Variants in CDH23 observed in about 807,000 individuals in gnomAD.
CDH23 encodes cadherin-23.
In CDH23, 189 loss-of-function variants were observed where a neutral mutation model predicts 317.1. The ratio of observed to expected loss-of-function variants is 0.60; its 90% CI spans 0.53 to 0.67. The LOEUF (loss-of-function observed/expected upper bound fraction) is 0.67, where lower values mean the gene tolerates loss of function less well. Among genes scored for constraint, CDH23 ranks in the 30% least tolerant of loss-of-function variants. CDH23 has a pLI of 0.00. For missense variants in CDH23, 4,401 were observed against 4,592.4 expected, an observed-to-expected ratio of 0.96 and a Z score of 1.20; for synonymous variants, 1,839 against 1,876.8, an observed-to-expected ratio of 0.98 and a Z score of 0.52.
intron 3 of CDH23, among the ~76,000 whole-genome samples, chr10:71,449,748 C>T (rs1005854878): frequency 5.9e-5 from 9 of 152,162 alleles, no homozygotes; most frequent in Admixed American, 5.9e-4. Context: ...TTATCCACCC[C>T]CAACCTTCTG....
intron 14 of CDH23, among the ~76,000 whole-genome samples, chr10:71,665,991 C>T (rs1212195258): frequency 6.6e-6 from 1 of 152,234 alleles, no homozygotes; most frequent in African/African-American, 2.4e-5. Context: ...CCTCTGCAGT[C>T]AATGCCGTGA....
At chr10:71,720,321 G>A (rs778094810) in intron 28 of CDH23, among the ~76,000 whole-genome samples, 1 of 152,218 alleles carries the variant, frequency 6.6e-6, no homozygotes, top group African/African-American at 2.4e-5. Context: ...AGGTCAGGGG[G>A]ATCCCAGGGC....
intron 41 of CDH23, among the ~76,000 whole-genome samples, chr10:71,782,147 C>A (rs1215802331): frequency 1.3e-5 from 2 of 152,208 alleles, no homozygotes; most frequent in Non-Finnish European, 2.9e-5. Flanking sequence ...CCACTGAGCC[C>A]TTAGGAGGAG....
At chr10:71,558,557 C>G (rs917235136) in intron 6 of CDH23, among the ~76,000 whole-genome samples, 3 of 152,002 alleles carry the variant, frequency 2.0e-5, no homozygotes, top group African/African-American at 7.2e-5. Context: ...GTTGTTATTC[C>G]TTTTTACTGT....
intron 9 of CDH23, among the ~76,000 whole-genome samples, chr10:71,612,740 C>T (rs944879147): frequency 6.6e-6 from 1 of 152,210 alleles, no homozygotes; most frequent in Non-Finnish European, 1.5e-5. Context: ...TTCAGCTGAG[C>T]CTTAGGGGCT....
intron 3 of CDH23, among the ~76,000 whole-genome samples, chr10:71,456,623 G>T (rs1850711054): frequency 6.6e-6 from 1 of 152,216 alleles, no homozygotes. Context: ...TGCCATTAAT[G>T]CCAGGCACTG....
rs1056324004 is a variant in CDH23, at chr10:71,811,423, G to A, written c.9186G>A (p.Met3062Ile). ...PAISVRLPDD[M>I]SALQMAIIVL... ...TCTCTGTCCGGCTGCCGGATGACAT[G>A]TCTGCCCTGCAGGTACCCGGCGACC... Residue 3062 changes from methionine to isoleucine, a missense_variant, in exon 63 of 70, where the codon ATG becomes ATA. By Grantham distance (10) the Met-to-Ile change is conservative. Transcript: ENST00000224721. The A allele has an allele frequency of 3.7e-6, 6 of 1,613,880 alleles. No homozygotes were observed. In the African/African-American group the frequency reaches 8.0e-5, roughly 22 times the overall value.
At chr10:71,639,071 G>A (rs1044431877) in intron 11 of CDH23, among the ~76,000 whole-genome samples, 1 of 152,196 alleles carries the variant, frequency 6.6e-6, no homozygotes. Context: ...AATAAATAAA[G>A]CTAAGCTGTC....
intron 14 of CDH23, among the ~76,000 whole-genome samples, chr10:71,649,997 T>C (rs945283083): frequency 1.3e-5 from 2 of 152,172 alleles, no homozygotes; most frequent in African/African-American, 2.4e-5. Context: ...AGGCCACCCA[T>C]CCAGAAGGTT....
intron 6 of CDH23, among the ~76,000 whole-genome samples, chr10:71,528,637 C>T (rs1262751685): frequency 6.6e-6 from 1 of 152,250 alleles, no homozygotes; most frequent in Non-Finnish European, 1.5e-5. Context: ...GATTGAGGTG[C>T]CCGGGCCTCC....
rs762930029 is a variant in CDH23 at position 71,812,557 on chromosome 10, C to A, written c.9458C>A (p.Pro3153Gln). 1.9e-6 allele frequency: 3 copies of A among 1,613,922 alleles called. No homozygotes were observed. The highest frequency in any genetic ancestry group is 2.5e-6 in the Non-Finnish European group (3 of 1,179,892). Residue 3153 changes from proline (P) to glutamine (Q), a missense_variant, in exon 67 of 70, where the codon CCG (proline) becomes CAG (glutamine). By Grantham distance (76) the Pro-to-Gln change is moderately conservative. Around this residue, in one of 3 missense-constraint regions of CDH23, gnomAD observed 1,144 missense variants for 1,138.2 expected, o/e 1.01. Coordinates refer to ENST00000224721, the MANE Select transcript of CDH23 (RefSeq NM_022124.6). ...CAGGCGGAGCATGAGGATGACCTACCGGAGAACCTGAGTGAGATCGCCGAC... is the reference window on the plus strand; with the variant it reads ...CAGGCGGAGCATGAGGATGACCTACAGGAGAACCTGAGTGAGATCGCCGAC... ...AAQAEHEDDL[P>Q]ENLSEIADLW...
intron 38 of CDH23, among the ~76,000 whole-genome samples, chr10:71,765,550 G>A (rs1007662599): frequency 2.0e-5 from 3 of 152,226 alleles, no homozygotes; most frequent in South Asian, 2.1e-4. Flanking sequence ...CAGGGTCTAA[G>A]CAATGGGGTT....
intron 14 of CDH23, 124 bp from the exon 15 acceptor site, chr10:71,674,988 G>A: frequency 1.2e-6 from 1 of 816,464 alleles, no homozygotes; most frequent in Non-Finnish European, 2.1e-6. Context: ...GGCCTCACTG[G>A]GGTCTGGGCC....
chr10:71,397,148 G>T lies in CDH23; in HGVS notation c.-176G>T. The stretch of plus-strand genomic sequence containing the variant: ...TTGCGAGCGGCGAGCGGCGAGCGGC[G>T]AGCGGCCCGCGGAGACCCAGGAGCT... On this transcript the variant is annotated 5_prime_UTR_variant, in exon 1 of 70. Coordinates refer to ENST00000224721, the MANE Select transcript of CDH23 (RefSeq NM_022124.6). This position sits in a 1 kb window ranked among gnomAD's most constrained non-coding sequence, Gnocchi z 4.8. The T allele has an allele frequency of 5.3e-6, 1 of 187,802 alleles. No homozygotes were observed. The highest frequency in any genetic ancestry group is 1.1e-5 in the Non-Finnish European group (1 of 92,668). 11.6% of individuals were successfully genotyped at this position (187,802 alleles called of 1,614,324 possible).
intron 68 of CDH23, 52 bp from the exon 69 acceptor site, chr10:71,813,192 C>T (rs950178960): frequency 3.3e-5 from 49 of 1,488,576 alleles, no homozygotes; most frequent in Non-Finnish European, 4.2e-5. Context: ...GGGCGAGGGG[C>T]GGGGCAGGCA....
chr10:71,569,527 G>A (rs976945892), intron 7 of CDH23, among the ~76,000 whole-genome samples: 4 of 152,212 alleles, frequency 2.6e-5, no homozygotes, highest in Admixed American at 1.3e-4. Context: ...TTCCCAGGGG[G>A]AAAAAGAACT....
At chr10:71,622,172 G>A (rs1352925404) in intron 11 of CDH23, among the ~76,000 whole-genome samples, 1 of 152,082 alleles carries the variant, frequency 6.6e-6, no homozygotes, top group African/African-American at 2.4e-5. Context: ...GGGGAGCCAC[G>A]GTGAATCGGC....
chr10:71,618,686 T>G (rs969832954), intron 11 of CDH23, among the ~76,000 whole-genome samples: 38 of 152,134 alleles, frequency 2.5e-4, no homozygotes, highest in Non-Finnish European at 1.0e-4. Flanking sequence ...GCTTAGCCAG[T>G]GACCCACCCT....
chr10:71,477,542 C>G (rs1225064844), intron 3 of CDH23, among the ~76,000 whole-genome samples: 1 of 152,202 alleles, frequency 6.6e-6, no homozygotes, highest in African/African-American at 2.4e-5. Flanking sequence ...ATCCTTTCTT[C>G]TGGACCTCAC....
Sources: allele counts gnomAD v4.1 joint callset (sites outside exome capture counted in the v4.1 genomes callset), GRCh38; gene constraint gnomAD v4.1.1; regional missense constraint gnomAD v4.1.1; non-coding constraint Gnocchi (gnomAD v3.1); transcripts MANE v1.5; gene names NCBI Gene and HGNC (gene_info 2026-07-23, HGNC 2026-07-21).